Variants in LIMCH1 observed in about 807,000 individuals in gnomAD.
LIMCH1 encodes LIM and calponin homology domains 1, also known as LIM and calponin homology domains-containing protein 1.
A neutral mutation model predicts 176.5 loss-of-function variants in LIMCH1; 113 were observed. The observed-to-expected ratio is 0.64, with a 90% CI of 0.55 to 0.75. LIMCH1 has a LOEUF of 0.75. LIMCH1 is among the 30% of genes least tolerant of loss of function. LIMCH1 has a pLI of 0.00. For missense variants in LIMCH1, 1,674 were observed against 1,814.9 expected, an observed-to-expected ratio of 0.92 and a Z score of 1.41; for synonymous variants, 619 against 645.9, an observed-to-expected ratio of 0.96 and a Z score of 0.63.
chr4:41,594,006 A>G (rs964184207), intron 1 of LIMCH1, among the ~76,000 whole-genome samples: 2 of 152,200 alleles, frequency 1.3e-5, no homozygotes, highest in African/African-American at 4.8e-5. Flanking sequence ...TTTGAAAGTT[A>G]TGTTACTGAC....
chr4:41,393,790 A>G (rs187390160), intron 1 of LIMCH1, among the ~76,000 whole-genome samples: 76 of 152,336 alleles, frequency 5.0e-4, no homozygotes, highest in African/African-American at 1.7e-3. Flanking sequence ...TATAAACTGT[A>G]AAATTAGAAA....
chr4:41,616,978 A>G (rs986478113), intron 5 of LIMCH1, among the ~76,000 whole-genome samples: 1 of 152,170 alleles, frequency 6.6e-6, no homozygotes, highest in African/African-American at 2.4e-5. Flanking sequence ...TGTCTAAGAC[A>G]TTCACCAAAG....
chr4:41,546,529 GT>G (rs1319024306), intron 1 of LIMCH1, among the ~76,000 whole-genome samples: 2 of 151,408 alleles, frequency 1.3e-5, no homozygotes, highest in East Asian at 1.9e-4. Context: ...AATCAATGTG[GT>G]TTTTTTTCTC....
At chr4:41,381,892 T>C (rs1388869755) in intron 1 of LIMCH1, among the ~76,000 whole-genome samples, 1 of 152,138 alleles carries the variant, frequency 6.6e-6, no homozygotes, top group Non-Finnish European at 1.5e-5. Context: ...GAGCTGTTCA[T>C]TTTAGGATGG....
intron 29 of LIMCH1, among the ~76,000 whole-genome samples, chr4:41,688,686 G>A (rs142600691): frequency 5.0e-4 from 76 of 152,274 alleles, no homozygotes; most frequent in African/African-American, 1.7e-3. Flanking sequence ...GCCTTTCAGA[G>A]GACAGCTATC....
intron 1 of LIMCH1, chr4:41,473,323 G>C: frequency 3.1e-6 from 1 of 323,262 alleles, no homozygotes; most frequent in Non-Finnish European, 4.5e-6. Context: ...AATGGATGAG[G>C]CTGAAGAGAC....
chr4:41,677,974 T>C (rs1712317970), intron 23 of LIMCH1, among the ~76,000 whole-genome samples: 1 of 152,176 alleles, frequency 6.6e-6, no homozygotes, highest in Non-Finnish European at 1.5e-5. Flanking sequence ...CTGGGATACA[T>C]GTGCAGAACG....
chr4:41,687,971 C>G (rs1431403845), intron 29 of LIMCH1, 54 bp downstream of exon 29: 1 of 1,406,124 alleles, frequency 7.1e-7, no homozygotes, highest in Non-Finnish European at 1.0e-6. Context: ...CTAGAGCTTG[C>G]CAAGCATCAT....
chr4:41,671,052 T>A, intron 21 of LIMCH1: 2 of 859,036 alleles, frequency 2.3e-6, no homozygotes, highest in Non-Finnish European at 1.4e-6. Flanking sequence ...GAGAGTCCCC[T>A]GCCTTTAAAA....
intron 1 of LIMCH1, among the ~76,000 whole-genome samples, chr4:41,581,385 C>T (rs765419942): frequency 1.4e-4 from 22 of 152,226 alleles, no homozygotes; most frequent in Admixed American, 3.9e-4. Context: ...CCATCCTGCA[C>T]GTTATGTCCT....
At chr4:41,635,718 C>T (rs181634106) in intron 13 of LIMCH1, among the ~76,000 whole-genome samples, 1 of 152,324 alleles carries the variant, frequency 6.6e-6, no homozygotes. Context: ...GTGTAAAGCA[C>T]TGTGCTGGAT....
At chr4:41,403,299 C>T (rs1046229224) in intron 1 of LIMCH1, among the ~76,000 whole-genome samples, 3 of 151,992 alleles carry the variant, frequency 2.0e-5, no homozygotes, top group Non-Finnish European at 2.9e-5. Flanking sequence ...GGACCCATCA[C>T]GCCGGGCACG....
At chr4:41,666,776 C>T (rs1436362067) in intron 21 of LIMCH1, 110 bp downstream of exon 21, 9 of 723,350 alleles carry the variant, frequency 1.2e-5, no homozygotes, top group Non-Finnish European at 1.9e-5. Context: ...TTCCTTTAGC[C>T]AGGGTGTTTG....
At chr4:41,567,054 C>T (rs2082873295) in intron 1 of LIMCH1, among the ~76,000 whole-genome samples, 1 of 152,218 alleles carries the variant, frequency 6.6e-6, no homozygotes, top group Non-Finnish European at 1.5e-5. Flanking sequence ...TTCTTCCTTT[C>T]ACCAAGTTCT....
At chr4:41,372,071 C>T (rs2054050974) in intron 1 of LIMCH1, among the ~76,000 whole-genome samples, 1 of 152,078 alleles carries the variant, frequency 6.6e-6, no homozygotes, top group Admixed American at 6.5e-5. Context: ...CCTCTTTTTG[C>T]TCTAGACTCC....
At chr4:41,445,662 A>T (rs1281480590) in intron 1 of LIMCH1, among the ~76,000 whole-genome samples, 17 of 152,226 alleles carry the variant, frequency 1.1e-4, no homozygotes, top group Admixed American at 1.1e-3. Context: ...TTATCCAGTG[A>T]CCTGTATCTT....
At chr4:41,512,386 C>G (rs1254464627) in intron 2 of LIMCH1, among the ~76,000 whole-genome samples, 2 of 152,164 alleles carry the variant, frequency 1.3e-5, no homozygotes, top group Admixed American at 6.5e-5. Context: ...TATGACCCAG[C>G]TGTTATACTC....
chr4:41,493,812 G>A (rs1250576732), intron 1 of LIMCH1, among the ~76,000 whole-genome samples: 1 of 152,222 alleles, frequency 6.6e-6, no homozygotes, highest in East Asian at 1.9e-4. Context: ...GGCACCAAGA[G>A]TGGCTATCAA....
rs1237128878 is a variant in LIMCH1, at chr4:41,633,788, T to TCTA, written c.2072_2074dup (p.Leu691dup). The TCTA allele has an allele frequency of 6.5e-7, 1 of 1,536,174 alleles. No individual in the cohort carries two copies. The highest frequency in any genetic ancestry group is 1.2e-5 in the South Asian group (1 of 84,062). On this transcript the variant is annotated inframe_insertion, in exon 13 of 32. Transcript: ENST00000503057. ...AGGATGTGGAAGAATCTTCTAAAGGTCTACCCATGAAAGATCAGAGGTCAG... is the reference window on the plus strand; with the variant it reads ...AGGATGTGGAAGAATCTTCTAAAGGTCTACTACCCATGAAAGATCAGAGGTCAG...
Sources: allele counts gnomAD v4.1 joint callset (sites outside exome capture counted in the v4.1 genomes callset), GRCh38; gene constraint gnomAD v4.1.1; transcripts MANE v1.5; gene names NCBI Gene and HGNC (gene_info 2026-07-23, HGNC 2026-07-21).